CAMTA1: variants seen among roughly 807,000 people sequenced by gnomAD.
The protein encoded by CAMTA1 is calmodulin-binding transcription activator 1.
A neutral mutation model predicts 170.9 loss-of-function variants in CAMTA1; 27 were observed. That is an observed-to-expected ratio of 0.16 (90% confidence interval 0.12 to 0.22). CAMTA1 has a LOEUF of 0.22. Among genes scored for constraint, CAMTA1 ranks in the 10% least tolerant of loss-of-function variants. The pLI, the probability that CAMTA1 is intolerant of heterozygous loss-of-function variation, is 1.00. For missense variants in CAMTA1, 1,619 were observed against 2,217.2 expected, an observed-to-expected ratio of 0.73 and a Z score of 5.42; for synonymous variants, 833 against 891.5, an observed-to-expected ratio of 0.93 and a Z score of 1.17.
At chr1:7,350,173 A>G (rs1286696240) in intron 5 of CAMTA1, among the ~76,000 whole-genome samples, 1 of 151,716 alleles carries the variant, frequency 6.6e-6, no homozygotes, top group African/African-American at 2.4e-5. Context: ...CTCCCCCACT[A>G]TCCCAGCACC....
chr1:7,596,307 AG>A (rs1273031324), intron 6 of CAMTA1, among the ~76,000 whole-genome samples: 1 of 152,232 alleles, frequency 6.6e-6, no homozygotes, highest in African/African-American at 2.4e-5. Flanking sequence ...AGGCCTGGAT[AG>A]AAATGGAGAG....
intron 3 of CAMTA1, among the ~76,000 whole-genome samples, chr1:6,883,139 A>G (rs1025365234): frequency 6.6e-6 from 1 of 151,952 alleles, no homozygotes; most frequent in African/African-American, 2.4e-5. Context: ...AGTGATCCAC[A>G]TGCCTTGGCC....
At chr1:6,897,836 A>G (rs1675992542) in intron 3 of CAMTA1, among the ~76,000 whole-genome samples, 2 of 152,170 alleles carry the variant, frequency 1.3e-5, no homozygotes, top group Admixed American at 6.5e-5. Flanking sequence ...TCCACTTACT[A>G]TTGTTCATTT....
At chr1:6,837,034 A>C (rs1292144916) in intron 3 of CAMTA1, among the ~76,000 whole-genome samples, 1 of 151,120 alleles carries the variant, frequency 6.6e-6, no homozygotes, top group Non-Finnish European at 1.5e-5. Context: ...GCTCACTGCA[A>C]TCTCCGCCAC....
chr1:7,273,450 C>A (rs192767449), intron 5 of CAMTA1, among the ~76,000 whole-genome samples: 1 of 152,172 alleles, frequency 6.6e-6, no homozygotes, highest in African/African-American at 2.4e-5. Flanking sequence ...AAACGTTATT[C>A]TAAGTGAAAG....
intron 3 of CAMTA1, among the ~76,000 whole-genome samples, chr1:7,022,480 C>G (rs4908434): frequency 0.14 from 21,316 of 152,096 alleles, 1,620 homozygotes; most frequent in Non-Finnish European, 0.18. Flanking sequence ...CATAAAGAAG[C>G]CTCTCTTTTA....
rs78722314 is a variant in CAMTA1 at position 7,296,699 on chromosome 1, A to T, written c.438+47073A>T. Among the ~76,000 whole-genome samples the T allele has an allele frequency of 7.0e-3, 1,060 of 152,260 alleles. 17 individuals are homozygous for T. The highest frequency in any genetic ancestry group is 0.062 in the East Asian group (319 of 5,158). On this transcript the variant is annotated intron_variant, in intron 5 of 22. Coordinates refer to ENST00000303635, the MANE Select transcript of CAMTA1 (RefSeq NM_015215.4). ...AAAGAGTTCTGTTTTGGCCACGTCA[A>T]GGGTGATGTTCAGATGTAGATGTCA...
At chr1:7,342,741 G>A (rs184393329) in intron 5 of CAMTA1, among the ~76,000 whole-genome samples, 5 of 152,330 alleles carry the variant, frequency 3.3e-5, no homozygotes, top group Middle Eastern at 3.4e-3. Context: ...GGAGGTCATT[G>A]GAGAGCTGTG....
At chr1:6,849,895 T>C (rs1301882740) in intron 3 of CAMTA1, among the ~76,000 whole-genome samples, 2 of 151,578 alleles carry the variant, frequency 1.3e-5, no homozygotes, top group African/African-American at 2.4e-5. Context: ...ATTAGCCAGA[T>C]GTGGTGACGC....
intron 3 of CAMTA1, among the ~76,000 whole-genome samples, chr1:6,837,229 T>A (rs1433937280): frequency 2.0e-5 from 3 of 152,154 alleles, no homozygotes; most frequent in Non-Finnish European, 2.9e-5. Flanking sequence ...GTGCTGGGAT[T>A]ACAGGCGTGA....
intron 3 of CAMTA1, among the ~76,000 whole-genome samples, chr1:7,016,788 A>G (rs920087924): frequency 2.6e-5 from 4 of 152,130 alleles, no homozygotes; most frequent in African/African-American, 9.6e-5. Context: ...GTGAGCTGAG[A>G]TTGCACCACT....
chr1:6,952,194 GC>G (rs1278709086), intron 3 of CAMTA1, among the ~76,000 whole-genome samples: 10 of 152,126 alleles, frequency 6.6e-5, no homozygotes, highest in Admixed American at 6.5e-4. Context: ...ACTTTGGGAG[GC>G]TGAGGCGGGC....
chr1:7,158,154 G>T (rs1486644357), intron 4 of CAMTA1, among the ~76,000 whole-genome samples: 2 of 152,090 alleles, frequency 1.3e-5, no homozygotes, highest in Non-Finnish European at 2.9e-5. Context: ...GCGAGACTCT[G>T]TCTCAAAAAA....
At chr1:7,576,895 A>G (rs959264059) in intron 6 of CAMTA1, among the ~76,000 whole-genome samples, 1 of 152,208 alleles carries the variant, frequency 6.6e-6, no homozygotes, top group Non-Finnish European at 1.5e-5. Flanking sequence ...TGGCCATCAC[A>G]GATACAGGGA....
chr1:7,736,231 T>C lies in CAMTA1; in HGVS notation c.3067-113T>C, dbSNP rs2096771499. 2.3e-6 allele frequency: 2 copies of C among 886,130 alleles called. No individual in the cohort carries two copies. The highest frequency in any genetic ancestry group is 1.7e-5 in the African/African-American group (1 of 59,294). The allele number at this position is 886,130 out of a possible 1,614,324, so 54.9% of individuals were successfully genotyped here. On this transcript the variant is annotated intron_variant, in intron 12 of 22. Transcript: ENST00000303635. This position sits in a 1 kb window ranked among gnomAD's most constrained non-coding sequence, Gnocchi z 4.5. ...ATGTTTCTTTATTTTCAGTGTTTTA[T>C]GTTTTCCGTTGTGAGTTTCTAATCG...
chr1:7,009,075 G>C (rs1359427342), intron 3 of CAMTA1, among the ~76,000 whole-genome samples: 1 of 152,186 alleles, frequency 6.6e-6, no homozygotes, highest in Non-Finnish European at 1.5e-5. Context: ...GACCTGGGGA[G>C]AGCAGTACCC....
Position 7,463,021 on chromosome 1 carries a change from G to A in CAMTA1, c.439-4809G>A, listed in dbSNP as rs548535117. Among the ~76,000 whole-genome samples, 154 of 152,356 alleles carry A rather than the reference G, an allele frequency of 1.0e-3. No homozygotes were observed. The highest frequency in any genetic ancestry group is 3.4e-3 in the Middle Eastern group (1 of 294). On this transcript the variant is annotated intron_variant, in intron 5 of 22. Coordinates refer to ENST00000303635, the MANE Select transcript of CAMTA1 (RefSeq NM_015215.4). This position sits in a 1 kb window ranked among gnomAD's most constrained non-coding sequence, Gnocchi z 4.7. ...CTCCAGCTGAGCGGGGTCTTCGGAG[G>A]CAGCACAGGGAGGTTGTCCTGGTGA...
chr1:7,032,651 A>C (rs1002724339), intron 3 of CAMTA1, among the ~76,000 whole-genome samples: 3 of 152,132 alleles, frequency 2.0e-5, no homozygotes, highest in East Asian at 1.9e-4. Flanking sequence ...AGTGCTCTTC[A>C]TTTCTTTGTG....
intron 3 of CAMTA1, among the ~76,000 whole-genome samples, chr1:7,033,494 G>A (rs1430256869): frequency 6.7e-6 from 1 of 150,010 alleles, no homozygotes; most frequent in African/African-American, 2.5e-5. Context: ...ATATTTTCCT[G>A]CTTCTTTGTA....
Sources: gnomAD v4.1 joint callset for allele counts (sites outside exome capture counted in the v4.1 genomes callset) on GRCh38, gnomAD v4.1.1 for gene constraint, Gnocchi (gnomAD v3.1) non-coding constraint, MANE v1.5 for transcripts, NCBI Gene and HGNC (gene_info 2026-07-23, HGNC 2026-07-21) for gene names.